Variants in MED26 observed in about 807,000 individuals in gnomAD.
MED26 encodes mediator complex subunit 26.
MED26 carries 7 observed loss-of-function variants against 43.7 expected under a neutral mutation model. That is an observed-to-expected ratio of 0.16 (90% confidence interval 0.09 to 0.30). The LOEUF is 0.30. Among genes scored for constraint, MED26 ranks in the 10% least tolerant of loss-of-function variants. MED26 has a pLI of 1.00. For missense variants in MED26, 784 were observed against 840.6 expected (o/e 0.93, Z 0.83); for synonymous variants, 375 against 371.1 (o/e 1.01, Z -0.12).
rs1446370409 is a variant in MED26, at chr19:16,586,284, T to C, written c.73-7875A>G. ...AAGCGCACTCTACAGATAAGGTAAC[T>C]GAGGGCCAGGAAGGTAATGGAGGTC... On this transcript the variant is annotated intron_variant, in intron 1 of 2. Transcript: ENST00000263390. This position sits in a 1 kb window ranked among gnomAD's most constrained non-coding sequence, Gnocchi z 5.1. 6.6e-6 allele frequency among the ~76,000 whole-genome samples: 1 copy of C among 152,212 alleles called. No individual in the cohort carries two copies. Among genetic ancestry groups the C allele is most frequent in the South Asian group, 2.1e-4 (1 of 4,828 alleles).
At chr19:16,627,533 G>A (rs1484121421) in intron 1 of MED26, among the ~76,000 whole-genome samples, 4 of 152,248 alleles carry the variant, frequency 2.6e-5, no homozygotes, top group South Asian at 2.1e-4. Flanking sequence ...CGGGGGTCTC[G>A]GGTCCCGGAG....
chr19:16,585,762 C>T (rs1248908690), intron 1 of MED26, among the ~76,000 whole-genome samples: 1 of 152,222 alleles, frequency 6.6e-6, no homozygotes, highest in Admixed American at 6.5e-5. Context: ...GTGGAATCAC[C>T]TTTCAAACCA....
intron 1 of MED26, among the ~76,000 whole-genome samples, chr19:16,591,450 T>G (rs2086097247): frequency 6.6e-6 from 1 of 152,218 alleles, no homozygotes; most frequent in Non-Finnish European, 1.5e-5. Flanking sequence ...ACTTGTGCAC[T>G]GCACTGATTA....
At chr19:16,627,604 G>C (rs988119121) in intron 1 of MED26, among the ~76,000 whole-genome samples, 1 of 152,222 alleles carries the variant, frequency 6.6e-6, no homozygotes. Flanking sequence ...GGAGCAGAAA[G>C]GGAGGAAAAA....
intron 1 of MED26, chr19:16,588,726 C>A (rs1287202494): frequency 6.6e-6 from 1 of 152,306 alleles, no homozygotes; most frequent in Non-Finnish European, 1.5e-5. Flanking sequence ...CTGTAAGATC[C>A]ATTCAGGCAG....
At chr19:16,585,032 C>T (rs1334581192) in intron 1 of MED26, among the ~76,000 whole-genome samples, 1 of 152,108 alleles carries the variant, frequency 6.6e-6, no homozygotes, top group Non-Finnish European at 1.5e-5. Context: ...CCTCCCTCCA[C>T]GTGAGCCTGT....
chr19:16,588,681 C>G (rs893151037), intron 1 of MED26: 1 of 152,434 alleles, frequency 6.6e-6, no homozygotes, highest in Non-Finnish European at 1.5e-5. Flanking sequence ...CACGAGGACC[C>G]GCACACTGCA....
chr19:16,607,313 A>G (rs1288019868), intron 1 of MED26, among the ~76,000 whole-genome samples: 7 of 151,834 alleles, frequency 4.6e-5, no homozygotes, highest in Admixed American at 6.6e-5. Context: ...CGAGGCTACA[A>G]TGATCTATGG....
chr19:16,578,470 C>G, intron 1 of MED26, 61 bp from the exon 2 acceptor site: 1 of 1,512,274 alleles, frequency 6.6e-7, no homozygotes, highest in Non-Finnish European at 9.2e-7. Context: ...GGCTGGAACA[C>G]CCTGCCCCAG....
At chr19:16,585,510 C>T (rs534478060) in intron 1 of MED26, among the ~76,000 whole-genome samples, 2 of 152,098 alleles carry the variant, frequency 1.3e-5, no homozygotes, top group African/African-American at 2.4e-5. Flanking sequence ...AAGGGACAGC[C>T]GTCACTCCAG....
intron 1 of MED26, among the ~76,000 whole-genome samples, chr19:16,579,243 C>T (rs921958060): frequency 6.6e-6 from 1 of 152,218 alleles, no homozygotes; most frequent in Non-Finnish European, 1.5e-5. Flanking sequence ...AATGCCTGTA[C>T]AGCAGTACAG....
At chr19:16,580,846 G>A (rs1395712379) in intron 1 of MED26, among the ~76,000 whole-genome samples, 1 of 152,106 alleles carries the variant, frequency 6.6e-6, no homozygotes, top group Non-Finnish European at 1.5e-5. Context: ...GCCAGGATAG[G>A]TGCCATCTCT....
chr19:16,627,096 T>C (rs1409093882), intron 1 of MED26, among the ~76,000 whole-genome samples: 1 of 151,896 alleles, frequency 6.6e-6, no homozygotes, highest in Non-Finnish European at 1.5e-5. Context: ...AAGAGCCTAC[T>C]GAAACAGAGC....
chr19:16,623,684 G>A (rs191428554), intron 1 of MED26, among the ~76,000 whole-genome samples: 167 of 152,194 alleles, frequency 1.1e-3, no homozygotes, highest in South Asian at 2.5e-3. Context: ...TGTAGGGGAC[G>A]TTACAGGATC....
At position 16,576,451 on chromosome 19, in the gene MED26, T is replaced by G; in HGVS notation, c.1379A>C (p.Asp460Ala). The change falls in exon 3 of 3, where the codon GAC becomes GCC. Residue 460 changes from aspartate (D) to alanine (A), a missense_variant. Transcript: ENST00000263390. The surrounding 1 kb of genome is among the most constrained non-coding windows in gnomAD (Gnocchi z 6.8). ...GAGGCTGGCCTTGGCCTCCTGCTTG[T>G]CCAGCTCTGTCCTGGACTGCTGCTC... Reference protein sequence around the residue: ...HMEQQSRTELDKQEAKASLQS... With the variant: ...HMEQQSRTELAKQEAKASLQS... The G allele has an allele frequency of 1.9e-6, 3 of 1,614,162 alleles. No individual in the cohort carries two copies. Among genetic ancestry groups the G allele is most frequent in the Non-Finnish European group, 2.5e-6 (3 of 1,180,016 alleles).
intron 1 of MED26, among the ~76,000 whole-genome samples, chr19:16,625,193 G>A (rs565128654): frequency 2.6e-5 from 4 of 152,222 alleles, no homozygotes; most frequent in Admixed American, 2.6e-4. Context: ...CAAAAGGAGA[G>A]TAGAGGATTT....
intron 1 of MED26, among the ~76,000 whole-genome samples, chr19:16,584,538 C>G (rs368044449): frequency 1.4e-4 from 21 of 152,292 alleles, no homozygotes; most frequent in African/African-American, 4.8e-4. Context: ...CTGGGTCAGG[C>G]GCCTGGAGCT....
In MED26 at chr19:16,576,446, G is replaced by C; in HGVS notation, c.1384C>G (p.Gln462Glu). The C allele has an allele frequency of 5.6e-6, 9 of 1,614,200 alleles. No homozygotes were observed. The highest frequency in any genetic ancestry group is 6.8e-6 in the Non-Finnish European group (8 of 1,180,038). Residue 462 changes from glutamine (Q) to glutamate (E), a missense_variant, in exon 3 of 3, where the codon CAG (glutamine) becomes GAG (glutamate). Gln to Glu is a conservative substitution (Grantham distance 29). Transcript: ENST00000263390. The surrounding 1 kb of genome is among the most constrained non-coding windows in gnomAD (Gnocchi z 6.8). The part of the protein sequence containing the change: ...EQQSRTELDK[Q>E]EAKASLQSPF... The stretch of plus-strand genomic sequence containing the variant: ...CTCTGGAGGCTGGCCTTGGCCTCCT[G>C]CTTGTCCAGCTCTGTCCTGGACTGC...
Position 16,586,176 on chromosome 19 carries a change from G to A in MED26, c.73-7767C>T, listed in dbSNP as rs916577274. 6.6e-6 allele frequency among the ~76,000 whole-genome samples: 1 copy of A among 152,254 alleles called. No homozygotes were observed. The highest frequency in any genetic ancestry group is 2.4e-5 in the African/African-American group (1 of 41,460). On this transcript the variant is annotated intron_variant, in intron 1 of 2. Transcript: ENST00000263390. The surrounding 1 kb of genome is among the most constrained non-coding windows in gnomAD (Gnocchi z 5.1). ...CAATAGTCCCAAGGGTGCTGAGCCT[G>A]GGCAGGCCCAACCGGGCACAACTCG...
Sources: gnomAD v4.1 joint callset for allele counts (sites outside exome capture counted in the v4.1 genomes callset) on GRCh38, gnomAD v4.1.1 for gene constraint, Gnocchi (gnomAD v3.1) non-coding constraint, MANE v1.5 for transcripts, NCBI Gene and HGNC (gene_info 2026-07-23, HGNC 2026-07-21) for gene names.